KATNAL1: variants seen among roughly 807,000 people sequenced by gnomAD.
KATNAL1 encodes the protein katanin catalytic subunit A1 like 1.
In KATNAL1, 32 loss-of-function variants were observed where a neutral mutation model predicts 55.2. That is an observed-to-expected ratio of 0.58 (90% confidence interval 0.44 to 0.78). The LOEUF (loss-of-function observed/expected upper bound fraction) is 0.78. Among genes scored for constraint, KATNAL1 ranks in the 30% least tolerant of loss-of-function variants. KATNAL1 has a pLI of 0.00. For missense variants in KATNAL1, 466 were observed against 600.9 expected, an observed-to-expected ratio of 0.78 and a Z score of 2.35; for synonymous variants, 193 against 193.6, an observed-to-expected ratio of 1.00 and a Z score of 0.02.
In KATNAL1 at chr13:30,280,048, T is replaced by C. The variant is rs1462840947; in HGVS notation, c.323+15A>G. On this transcript the variant is annotated intron_variant, in intron 3 of 10. Coordinates refer to ENST00000380615, the MANE Select transcript of KATNAL1 (RefSeq NM_032116.5). ...TAACTAGAAGCACCTAAAGAGAATATAAAGTCCTATTTACCTGTGTTCTGC... is the reference window on the plus strand; with the variant it reads ...TAACTAGAAGCACCTAAAGAGAATACAAAGTCCTATTTACCTGTGTTCTGC... 9 of 1,600,068 alleles carry C rather than the reference T, an allele frequency of 5.6e-6. No individual in the cohort carries two copies. The highest frequency in any genetic ancestry group is 6.8e-6 in the Non-Finnish European group (8 of 1,175,830).
chr13:30,218,459 TTC>T (rs146481707), intron 9 of KATNAL1, among the ~76,000 whole-genome samples: 1,534 of 152,214 alleles, frequency 0.01, 24 homozygotes, highest in African/African-American at 0.034. Context: ...TTATTTTGCC[TTC>T]TGTTGACTAC....
At chr13:30,277,371 T>C (rs2137523148) in intron 3 of KATNAL1, among the ~76,000 whole-genome samples, 1 of 152,340 alleles carries the variant, frequency 6.6e-6, no homozygotes, top group Admixed American at 6.5e-5. Context: ...GTGAGACTAA[T>C]GTTTAGAGAG....
intron 1 of KATNAL1, among the ~76,000 whole-genome samples, chr13:30,289,752 T>TA (rs1323128518): frequency 2.6e-5 from 4 of 152,176 alleles, no homozygotes; most frequent in Non-Finnish European, 5.9e-5. Flanking sequence ...GCATTGATAA[T>TA]AAAGTAAAAT....
chr13:30,218,227 T>TAAAA (rs1555258843), intron 9 of KATNAL1, among the ~76,000 whole-genome samples: 5 of 145,302 alleles, frequency 3.4e-5, no homozygotes, highest in African/African-American at 1.0e-4. Context: ...TATATATATA[T>TAAAA]AAAGGACCTG....
At chr13:30,302,673 A>G (rs1882931292) in intron 1 of KATNAL1, among the ~76,000 whole-genome samples, 1 of 152,240 alleles carries the variant, frequency 6.6e-6, no homozygotes, top group African/African-American at 2.4e-5. Flanking sequence ...GAAATAAAAT[A>G]CATTGTTTTT....
At chr13:30,235,386 G>A (rs1876549123) in intron 6 of KATNAL1, among the ~76,000 whole-genome samples, 1 of 152,182 alleles carries the variant, frequency 6.6e-6, no homozygotes, top group African/African-American at 2.4e-5. Flanking sequence ...CAGTTCTCAT[G>A]AGAATGAACA....
chr13:30,284,893 T>C (rs75026550), intron 1 of KATNAL1, among the ~76,000 whole-genome samples: 2 of 152,184 alleles, frequency 1.3e-5, no homozygotes, highest in East Asian at 1.9e-4. Flanking sequence ...CTAAAAAGAA[T>C]AGCAAGTCCA....
intron 4 of KATNAL1, among the ~76,000 whole-genome samples, chr13:30,253,647 A>T (rs184107260): frequency 7.4e-6 from 1 of 134,414 alleles, no homozygotes; most frequent in Non-Finnish European, 1.6e-5. Flanking sequence ...CCTGGGCAAG[A>T]GCGAGACTCC....
At chr13:30,243,193 T>C (rs760214391) in intron 4 of KATNAL1, among the ~76,000 whole-genome samples, 6 of 152,288 alleles carry the variant, frequency 3.9e-5, no homozygotes, top group Admixed American at 2.0e-4. Flanking sequence ...GAAAGCAAAA[T>C]ATTTTAGCTT....
intron 3 of KATNAL1, among the ~76,000 whole-genome samples, chr13:30,272,281 C>A (rs1880440600): frequency 6.6e-6 from 1 of 152,092 alleles, no homozygotes; most frequent in African/African-American, 2.4e-5. Flanking sequence ...GCCTGTAATC[C>A]CAGCTACTCA....
At chr13:30,244,482 A>G (rs186661166) in intron 4 of KATNAL1, among the ~76,000 whole-genome samples, 2 of 152,266 alleles carry the variant, frequency 1.3e-5, no homozygotes, top group African/African-American at 4.8e-5. Flanking sequence ...CTGGTTCTAG[A>G]TCCTTGAGGA....
At chr13:30,216,297 C>A (rs1022085136) in intron 9 of KATNAL1, among the ~76,000 whole-genome samples, 1 of 152,132 alleles carries the variant, frequency 6.6e-6, no homozygotes, top group African/African-American at 2.4e-5. Context: ...CAGCAGAGGG[C>A]AGGAAGGAAC....
chr13:30,250,106 A>G (rs1299524707), intron 4 of KATNAL1, among the ~76,000 whole-genome samples: 2 of 152,216 alleles, frequency 1.3e-5, no homozygotes, highest in South Asian at 2.1e-4. Context: ...CATCTCAACT[A>G]TGAGTTCAGT....
In KATNAL1 at chr13:30,206,533, C is replaced by A. The variant is rs1477018073; in HGVS notation, c.*2007G>T. The A allele has an allele frequency of 6.6e-6, 1 of 151,976 alleles. No homozygotes were observed. The highest frequency in any genetic ancestry group is 1.5e-5 in the Non-Finnish European group (1 of 67,974). 9.4% of individuals were successfully genotyped at this position (151,976 alleles called of 1,614,324 possible). On this transcript the variant is annotated 3_prime_UTR_variant, in exon 11 of 11. Coordinates refer to ENST00000380615, the MANE Select transcript of KATNAL1 (RefSeq NM_032116.5). ...GAATCACAATTACTATGTCATTATC[C>A]ATGAAGAATTCAGAAAAATAATTAA...
chr13:30,273,541 T>C (rs1266854325), intron 3 of KATNAL1, among the ~76,000 whole-genome samples: 1 of 152,210 alleles, frequency 6.6e-6, no homozygotes, highest in African/African-American at 2.4e-5. Flanking sequence ...AAAAGCACAA[T>C]ACCTGGTTCA....
At chr13:30,217,206 A>C (rs1279504374) in intron 9 of KATNAL1, among the ~76,000 whole-genome samples, 1 of 152,162 alleles carries the variant, frequency 6.6e-6, no homozygotes, top group East Asian at 1.9e-4. Flanking sequence ...TAATCCCAGC[A>C]CTTTGGGAGG....
intron 3 of KATNAL1, among the ~76,000 whole-genome samples, chr13:30,274,907 G>GCGCGCGCGCACACACA (rs869107567): frequency 3.1e-4 from 33 of 105,432 alleles, no homozygotes; most frequent in Non-Finnish European, 4.3e-4. Context: ...GCGCGCGCGC[G>GCGCGCGCGCACACACA]CACACACACA....
intron 1 of KATNAL1, among the ~76,000 whole-genome samples, chr13:30,301,665 A>G (rs1169936948): frequency 6.6e-6 from 1 of 152,168 alleles, no homozygotes; most frequent in Non-Finnish European, 1.5e-5. Flanking sequence ...CTGGCTCATT[A>G]CAATTTACTG....
intron 1 of KATNAL1, among the ~76,000 whole-genome samples, chr13:30,291,737 A>G (rs1294319667): frequency 6.6e-6 from 1 of 152,152 alleles, no homozygotes; most frequent in African/African-American, 2.4e-5. Context: ...AATTTACTAT[A>G]AAGTTACAGT....
Sources: allele counts gnomAD v4.1 joint callset (sites outside exome capture counted in the v4.1 genomes callset), GRCh38; gene constraint gnomAD v4.1.1; transcripts MANE v1.5; gene names NCBI Gene and HGNC (gene_info 2026-07-23, HGNC 2026-07-21).